The following PEX13 variants were observed in gnomAD, a reference collection of about 807,000 sequenced individuals.
PEX13 encodes the protein peroxisomal biogenesis factor 13.
In PEX13, 28 loss-of-function variants were observed where a neutral mutation model predicts 34.5. The observed-to-expected ratio is 0.81, with a 90% CI of 0.60 to 1.11. The LOEUF is 1.11. Among genes scored for constraint, PEX13 ranks in the 50% most tolerant of loss-of-function variants. PEX13 has a pLI of 0.00. For missense variants in PEX13, 550 were observed against 491.0 expected, an observed-to-expected ratio of 1.12 and a Z score of -1.13; for synonymous variants, 177 against 175.1, an observed-to-expected ratio of 1.01 and a Z score of -0.09.
intron 1 of PEX13, among the ~76,000 whole-genome samples, chr2:61,025,646 A>G (rs924562743): frequency 7.2e-5 from 11 of 152,186 alleles, no homozygotes; most frequent in Non-Finnish European, 1.3e-4. Flanking sequence ...GGAGTGAGCC[A>G]CCATGCCCAG....
rs1466256364 is a variant in PEX13 at position 61,051,205 on chromosome 2, A to G, written c.*2435A>G. The G allele has an allele frequency of 1.3e-5, 2 of 152,294 alleles. No individual in the cohort carries two copies. Among genetic ancestry groups the G allele is most frequent in the Non-Finnish European group, 1.5e-5 (1 of 68,040 alleles). 9.4% of individuals were successfully genotyped at this position (152,294 alleles called of 1,614,324 possible). On this transcript the variant is annotated 3_prime_UTR_variant, in exon 4 of 4. Coordinates refer to ENST00000295030, the MANE Select transcript of PEX13 (RefSeq NM_002618.4). Reference sequence around the variant, plus strand: ...AAGTTGAAGAGATAAGGTTTCTTGTATATTATTTTTCATTTGTGTTCTACA... The same window carrying G: ...AAGTTGAAGAGATAAGGTTTCTTGTGTATTATTTTTCATTTGTGTTCTACA...
rs868805865 is a variant in PEX13 at position 61,017,740 on chromosome 2, G to T, written c.-20G>T. Reference sequence around the variant, plus strand: ...TGGACAGTCAGGGGTAGGAGCGGGAGCCGAGAGGAGGCGGAGGAGATGGCG... The same window carrying T: ...TGGACAGTCAGGGGTAGGAGCGGGATCCGAGAGGAGGCGGAGGAGATGGCG... On this transcript the variant is annotated 5_prime_UTR_variant, in exon 1 of 4. Transcript: ENST00000295030. 3.2e-6 allele frequency: 5 copies of T among 1,546,156 alleles called. No homozygotes were observed. Among genetic ancestry groups the T allele is most frequent in the Admixed American group, 2.0e-5 (1 of 50,886 alleles).
intron 1 of PEX13, among the ~76,000 whole-genome samples, chr2:61,026,125 C>T (rs1299947292): frequency 4.6e-5 from 7 of 151,896 alleles, no homozygotes; most frequent in African/African-American, 1.2e-4. Flanking sequence ...CAGAATTCTT[C>T]GGTGCCTCGT....
rs560105312 is a variant in PEX13, at chr2:61,021,461, A to G, written c.92+3610A>G. Reference sequence around the variant, plus strand: ...TCAATCTGCGAGGCAGCAGCCTGGCAGGGGGAGGGGAATCCACCATTGCTG... The same window carrying G: ...TCAATCTGCGAGGCAGCAGCCTGGCGGGGGGAGGGGAATCCACCATTGCTG... On this transcript the variant is annotated intron_variant, in intron 1 of 3. Coordinates refer to ENST00000295030, the MANE Select transcript of PEX13 (RefSeq NM_002618.4). Among the ~76,000 whole-genome samples, 26 of 151,408 alleles carry G rather than the reference A, an allele frequency of 1.7e-4. No individual in the cohort carries two copies. In the East Asian group the frequency reaches 5.0e-3, roughly 29 times the overall value.
Position 61,031,701 on chromosome 2 carries a change from C to A in PEX13, c.375C>A (p.Ser125Arg). The part of the protein sequence containing the change: ...PSRFVQQAEE[S>R]SRGAFQSIES... ...GATTTGTTCAGCAAGCTGAAGAAAG[C>A]AGCAGGGGTGCATTTCAGTCCATTG... is the stretch of plus-strand genomic sequence containing the variant. Residue 125 changes from serine to arginine, a missense_variant, in exon 2 of 4, where the codon AGC becomes AGA. Transcript: ENST00000295030. The A allele has an allele frequency of 6.2e-7, 1 of 1,614,206 alleles. No homozygotes were observed. The highest frequency in any genetic ancestry group is 8.5e-7 in the Non-Finnish European group (1 of 1,180,034).
intron 2 of PEX13, among the ~76,000 whole-genome samples, chr2:61,040,578 G>A (rs1264814097): frequency 2.6e-5 from 4 of 151,900 alleles, no homozygotes; most frequent in Non-Finnish European, 4.4e-5. Flanking sequence ...ACACACTGGG[G>A]CCTGTCAGGG....
In PEX13 at chr2:61,045,604, T is replaced by C. The variant is rs1680693496; in HGVS notation, c.788-122T>C. Reference sequence around the variant, plus strand: ...ATTTAACATAGTATTCATTATAGTTTTTACTTGGGAGGGGAGGACTTTTCT... The same window carrying C: ...ATTTAACATAGTATTCATTATAGTTCTTACTTGGGAGGGGAGGACTTTTCT... On this transcript the variant is annotated intron_variant, in intron 2 of 3. Transcript: ENST00000295030. 9.3e-6 allele frequency: 7 copies of C among 749,596 alleles called. No homozygotes were observed. The South Asian group carries it at 1.0e-4, about 11-fold the overall frequency. 46.4% of individuals were successfully genotyped at this position (749,596 alleles called of 1,614,324 possible). A position where few individuals can be genotyped will look rare whatever the true frequency, so the allele number is the denominator to read the frequency against.
intron 1 of PEX13, among the ~76,000 whole-genome samples, chr2:61,026,347 T>TC (rs1476939334): frequency 6.8e-6 from 1 of 146,546 alleles, no homozygotes; most frequent in East Asian, 2.0e-4. Context: ...CTTTTTTCTT[T>TC]TTTTTTTTTT....
intron 1 of PEX13, among the ~76,000 whole-genome samples, chr2:61,028,321 C>T (rs62150977): frequency 0.14 from 21,860 of 151,480 alleles, 1,885 homozygotes; most frequent in Non-Finnish European, 0.19. Flanking sequence ...TAATAGGAGG[C>T]GAAATAAGAG....
rs1326229499 is a variant in PEX13 at position 61,050,651 on chromosome 2, ACT to A, written c.*1884_*1885del. On this transcript the variant is annotated 3_prime_UTR_variant, in exon 4 of 4. Coordinates refer to ENST00000295030, the MANE Select transcript of PEX13 (RefSeq NM_002618.4). ...TTGTCTTTTTTTGAAACGGAGTCTC[ACT>A]CTGTCGCCCAGGCTGGAGTCCAGTG... The A allele has an allele frequency of 1.3e-5, 2 of 152,052 alleles. No individual in the cohort carries two copies. Among genetic ancestry groups the A allele is most frequent in the Non-Finnish European group, 2.9e-5 (2 of 68,004 alleles). 9.4% of individuals were successfully genotyped at this position (152,052 alleles called of 1,614,324 possible).
At chr2:61,019,696 A>G (rs576313517) in intron 1 of PEX13, among the ~76,000 whole-genome samples, 7 of 152,270 alleles carry the variant, frequency 4.6e-5, no homozygotes, top group African/African-American at 1.7e-4. Context: ...TTTCCTAAAT[A>G]TGTAGTTCTG....
At chr2:61,031,296 T>C (rs1680444883) in intron 1 of PEX13, 123 bp from the exon 2 acceptor site, 1 of 769,944 alleles carries the variant, frequency 1.3e-6, no homozygotes, top group Admixed American at 2.0e-5. Flanking sequence ...TGTCTCTAAA[T>C]CAATTAATCA....
chr2:61,033,586 T>C (rs1680487176), intron 2 of PEX13, among the ~76,000 whole-genome samples: 2 of 152,118 alleles, frequency 1.3e-5, no homozygotes, highest in Non-Finnish European at 1.5e-5. Context: ...GTAAAATATA[T>C]AGTAAGCCAG....
rs905801905 is a variant in PEX13, at chr2:61,050,785, A to G, written c.*2015A>G. 1.3e-5 allele frequency: 2 copies of G among 152,080 alleles called. No homozygotes were observed. Among genetic ancestry groups the G allele is most frequent in the African/African-American group, 4.8e-5 (2 of 41,360 alleles). The allele number at this position is 152,080 out of a possible 1,614,324, so 9.4% of individuals were successfully genotyped here. A position where few individuals can be genotyped will look rare whatever the true frequency, so the allele number is the denominator to read the frequency against. On this transcript the variant is annotated 3_prime_UTR_variant, in exon 4 of 4. Transcript: ENST00000295030. ...CAGGCGCCTGCCACCAGGCCCGGCT[A>G]ATTTTTTTTGTATTTTTAGTAGAGA...
chr2:61,028,045 A>C (rs1680389982), intron 1 of PEX13, among the ~76,000 whole-genome samples: 1 of 152,266 alleles, frequency 6.6e-6, no homozygotes, highest in Non-Finnish European at 1.5e-5. Flanking sequence ...AATCGATGCT[A>C]AACTATCAAA....
intron 2 of PEX13, among the ~76,000 whole-genome samples, chr2:61,034,057 C>T (rs937757193): frequency 2.6e-5 from 4 of 151,930 alleles, no homozygotes; most frequent in African/African-American, 9.7e-5. Context: ...AGTGCAGTGG[C>T]GCGATCTCAG....
At chr2:61,042,788 A>G (rs1680646036) in intron 2 of PEX13, among the ~76,000 whole-genome samples, 1 of 152,250 alleles carries the variant, frequency 6.6e-6, no homozygotes, top group African/African-American at 2.4e-5. Flanking sequence ...ATGTCCAGAG[A>G]AAGTAAACTT....
intron 1 of PEX13, among the ~76,000 whole-genome samples, chr2:61,026,493 G>C (rs962883997): frequency 6.6e-6 from 1 of 151,622 alleles, no homozygotes; most frequent in Non-Finnish European, 1.5e-5. Flanking sequence ...GATTACAGGC[G>C]CCCACCACCA....
chr2:61,050,085 A>G lies in PEX13; in HGVS notation c.*1315A>G, dbSNP rs972611138. 13 of 152,234 alleles carry G rather than the reference A, an allele frequency of 8.5e-5. No individual in the cohort carries two copies. The highest frequency in any genetic ancestry group is 2.9e-4 in the African/African-American group (12 of 41,418). 9.4% of individuals were successfully genotyped at this position (152,234 alleles called of 1,614,324 possible). A position where few individuals can be genotyped will look rare whatever the true frequency, so the allele number is the denominator to read the frequency against. On this transcript the variant is annotated 3_prime_UTR_variant, in exon 4 of 4. Transcript: ENST00000295030. ...GACTTATTTATAGTCTTAGTGCTCT[A>G]TTGCCATTTAGAATATGATAATCCT... is the stretch of plus-strand genomic sequence containing the variant.
Sources: gnomAD v4.1 joint callset for allele counts (sites outside exome capture counted in the v4.1 genomes callset) on GRCh38, gnomAD v4.1.1 for gene constraint, MANE v1.5 for transcripts, NCBI Gene and HGNC (gene_info 2026-07-23, HGNC 2026-07-21) for gene names.